Variants in QTGAL observed in about 807,000 individuals in gnomAD.
QTGAL encodes the protein queuosine-tRNA galactosyltransferase.
chr17:82,960,750 G>A, the QTGAL span, among the ~76,000 whole-genome samples: 2 of 152,356 alleles, frequency 1.3e-5, no homozygotes, highest in Admixed American at 6.5e-5. Context: ...ACTCCCGTCG[G>A]GTTAAAGGGA....
the QTGAL span, among the ~76,000 whole-genome samples, chr17:83,050,538 G>A: frequency 6.6e-6 from 1 of 151,904 alleles, no homozygotes; most frequent in East Asian, 1.9e-4. Context: ...ACCAATTTTA[G>A]TAAGACTGGA....
the QTGAL span, among the ~76,000 whole-genome samples, chr17:82,997,436 G>T: frequency 6.6e-6 from 1 of 152,134 alleles, no homozygotes; most frequent in African/African-American, 2.4e-5. Context: ...AATGTCGGTG[G>T]GAATGTAAAT....
At chr17:82,998,113 A>C in the QTGAL span, among the ~76,000 whole-genome samples, 1 of 151,864 alleles carries the variant, frequency 6.6e-6, no homozygotes, top group South Asian at 2.1e-4. Flanking sequence ...AAAAGAATAT[A>C]GTTGTATTGT....
At chr17:82,970,608 C>T in the QTGAL span, among the ~76,000 whole-genome samples, 879 of 29,518 alleles carry the variant, frequency 0.03, 83 homozygotes, top group African/African-American at 0.1. Context: ...GGCGTGGCCG[C>T]GACCTCCCCA....
the QTGAL span, among the ~76,000 whole-genome samples, chr17:82,966,243 T>TG: frequency 1.3e-5 from 2 of 151,316 alleles, no homozygotes; most frequent in South Asian, 4.2e-4. Flanking sequence ...TTTGTAGAGA[T>TG]GGGGTCTCAC....
At chr17:83,006,808 T>G in the QTGAL span, 1 of 985,452 alleles carries the variant, frequency 1.0e-6, no homozygotes, top group Non-Finnish European at 1.2e-6. The surrounding 1 kb of genome is among the most constrained non-coding windows in gnomAD (Gnocchi z 5.8). Context: ...AAGTTCAGGT[T>G]TGTCTGTGAA....
chr17:82,956,686 C>T, the QTGAL span: 5 of 1,567,856 alleles, frequency 3.2e-6, no homozygotes, highest in Admixed American at 3.7e-5. The surrounding 1 kb of genome is among the most constrained non-coding windows in gnomAD (Gnocchi z 5.7). Flanking sequence ...CCAAGGGCCC[C>T]ACACTCACCA....
chr17:82,956,649 G>T, the QTGAL span: 14 of 1,498,384 alleles, frequency 9.3e-6, no homozygotes, highest in East Asian at 3.5e-4. This position sits in a 1 kb window ranked among gnomAD's most constrained non-coding sequence, Gnocchi z 5.7. Context: ...AGGTGGCAGA[G>T]CCCGGGATCC....
At chr17:82,942,333 T>G in the QTGAL span, 1 of 1,480,350 alleles carries the variant, frequency 6.8e-7, no homozygotes. Context: ...GCACAAATGG[T>G]TTCCTGCAGG....
the QTGAL span, chr17:82,943,783 G>A: frequency 6.6e-6 from 1 of 152,350 alleles, no homozygotes; most frequent in East Asian, 1.9e-4. Context: ...AAAGAGCCTT[G>A]GGTTACATTT....
chr17:83,015,378 G>A, the QTGAL span, among the ~76,000 whole-genome samples: 8 of 152,356 alleles, frequency 5.3e-5, no homozygotes, highest in South Asian at 4.1e-4. The surrounding 1 kb of genome is among the most constrained non-coding windows in gnomAD (Gnocchi z 4.4). Flanking sequence ...ACATGCTCAC[G>A]GCAGCTCATT....
At chr17:82,964,140 G>A in the QTGAL span, among the ~76,000 whole-genome samples, 1,081 of 150,610 alleles carry the variant, frequency 7.2e-3, 17 homozygotes, top group African/African-American at 0.025. Flanking sequence ...GTGTGCACCT[G>A]TAGTCTCAGC....
At chr17:82,960,785 C>T in the QTGAL span, among the ~76,000 whole-genome samples, 14 of 152,366 alleles carry the variant, frequency 9.2e-5, no homozygotes, top group African/African-American at 2.4e-4. Context: ...AAGGACCCGG[C>T]GCGTGGTCAT....
At chr17:83,031,233 C>T in the QTGAL span, among the ~76,000 whole-genome samples, 5 of 152,238 alleles carry the variant, frequency 3.3e-5, no homozygotes, top group African/African-American at 1.2e-4. Flanking sequence ...AGGGTGTAAA[C>T]TCAGCGACGG....
chr17:82,991,831 C>T, the QTGAL span, among the ~76,000 whole-genome samples: 6 of 151,884 alleles, frequency 4.0e-5, no homozygotes, highest in South Asian at 2.1e-4. Context: ...AGAAGGTATT[C>T]GGAATTCTAT....
the QTGAL span, among the ~76,000 whole-genome samples, chr17:83,004,913 G>A: frequency 6.6e-6 from 1 of 152,238 alleles, no homozygotes. Context: ...TGAACTGCCG[G>A]CCTGAGACCA....
the QTGAL span, among the ~76,000 whole-genome samples, chr17:83,001,193 T>C: frequency 6.6e-6 from 1 of 152,218 alleles, no homozygotes; most frequent in Non-Finnish European, 1.5e-5. Context: ...CCTCTAGCTC[T>C]AAGTACTACT....
At chr17:82,987,874 T>G in the QTGAL span, among the ~76,000 whole-genome samples, 1 of 152,358 alleles carries the variant, frequency 6.6e-6, no homozygotes, top group South Asian at 2.1e-4. Context: ...TATGGCCATT[T>G]TCACGATATT....
At chr17:82,955,356 A>G in the QTGAL span, among the ~76,000 whole-genome samples, 1 of 152,260 alleles carries the variant, frequency 6.6e-6, no homozygotes. Flanking sequence ...ACATGAAAAA[A>G]AGCTCATCAC....
Sources: allele counts gnomAD v4.1 joint callset (sites outside exome capture counted in the v4.1 genomes callset), GRCh38; gene constraint gnomAD v4.1.1; non-coding constraint Gnocchi (gnomAD v3.1); transcripts MANE v1.5; gene names NCBI Gene and HGNC (gene_info 2026-07-23, HGNC 2026-07-21).